The following AP2B1 variants were observed in gnomAD, a reference collection of about 807,000 sequenced individuals.
AP2B1 encodes AP-2 complex subunit beta.
Under a neutral mutation model 102.0 loss-of-function variants are expected in AP2B1, and 23 were observed. That is an observed-to-expected ratio of 0.23 (90% confidence interval 0.16 to 0.32). The LOEUF (loss-of-function observed/expected upper bound fraction) is 0.32, where lower values mean the gene tolerates loss of function less well. Ranked by LOEUF, AP2B1 falls within the 10% of genes least tolerant of loss-of-function variation. The pLI is 1.00. For missense variants in AP2B1, 541 were observed against 1,157.4 expected (o/e 0.47, Z 7.73); for synonymous variants, 381 against 421.2 (o/e 0.90, Z 1.17).
intron 12 of AP2B1, among the ~76,000 whole-genome samples, chr17:35,644,450 T>G (rs1335305530): frequency 6.6e-6 from 1 of 152,098 alleles, no homozygotes; most frequent in African/African-American, 2.4e-5. Flanking sequence ...TGATCTCGGC[T>G]CACTGCAACC....
intron 14 of AP2B1, among the ~76,000 whole-genome samples, chr17:35,662,098 A>C (rs1689793970): frequency 6.6e-6 from 1 of 152,184 alleles, no homozygotes; most frequent in African/African-American, 2.4e-5. Context: ...AAAGAGGAGT[A>C]GGGTGGGCCA....
intron 14 of AP2B1, among the ~76,000 whole-genome samples, chr17:35,668,442 C>G (rs1030613795): frequency 6.6e-6 from 1 of 152,036 alleles, no homozygotes; most frequent in Non-Finnish European, 1.5e-5. Context: ...TCTCTGGGGG[C>G]GAGTACTTTT....
At position 35,605,687 on chromosome 17, in the gene AP2B1, T is replaced by C; in HGVS notation, c.144-18T>C. ...ACACCTGCTTACTTTCCTTTTCTCT[T>C]TTACCCTCTCTTCTCAGTTCTCTCT... On this transcript the variant is annotated intron_variant, in intron 3 of 21. Coordinates refer to ENST00000610402, the MANE Select transcript of AP2B1 (RefSeq NM_001030006.2). The C allele has an allele frequency of 6.3e-7, 1 of 1,589,658 alleles. No homozygotes were observed. Among genetic ancestry groups the C allele is most frequent in the Non-Finnish European group, 8.6e-7 (1 of 1,163,362 alleles).
intron 2 of AP2B1, chr17:35,597,136 C>G (rs2073316594): frequency 2.0e-6 from 1 of 500,788 alleles, no homozygotes; most frequent in Non-Finnish European, 3.7e-6. Flanking sequence ...GAGACTGTCC[C>G]CACTGTTTCT....
At chr17:35,643,885 A>G (rs560870768) in intron 12 of AP2B1, among the ~76,000 whole-genome samples, 3 of 152,306 alleles carry the variant, frequency 2.0e-5, no homozygotes, top group South Asian at 4.1e-4. Flanking sequence ...TCTGTGTATC[A>G]GTGTAGCATG....
At chr17:35,670,141 G>T (rs1342406507) in intron 14 of AP2B1, among the ~76,000 whole-genome samples, 3 of 152,178 alleles carry the variant, frequency 2.0e-5, no homozygotes, top group Non-Finnish European at 4.4e-5. Flanking sequence ...ATTCTCTAAT[G>T]CGTAACATCC....
intron 21 of AP2B1, among the ~76,000 whole-genome samples, 180 bp downstream of exon 21, chr17:35,717,529 T>C (rs747702812): frequency 6.6e-5 from 10 of 152,226 alleles, no homozygotes; most frequent in African/African-American, 2.4e-4. Flanking sequence ...CTGCAGTGTC[T>C]GCCCCATCCA....
chr17:35,605,676 T>C, intron 3 of AP2B1, 29 bp from the exon 4 acceptor site: 1 of 1,555,042 alleles, frequency 6.4e-7, no homozygotes, highest in South Asian at 1.2e-5. Context: ...CTGCTTACTT[T>C]CCTTTTCTCT....
chr17:35,650,223 T>C (rs1342912088), intron 12 of AP2B1, among the ~76,000 whole-genome samples: 2 of 152,144 alleles, frequency 1.3e-5, no homozygotes, highest in Non-Finnish European at 2.9e-5. Flanking sequence ...GTGCTGGGAT[T>C]ACAGGCATGA....
At chr17:35,701,595 C>T (rs1001797266) in intron 18 of AP2B1, among the ~76,000 whole-genome samples, 2 of 152,078 alleles carry the variant, frequency 1.3e-5, no homozygotes, top group East Asian at 1.9e-4. Context: ...AAGTACTGTG[C>T]TTTTGGGACT....
chr17:35,723,764 A>G lies in AP2B1; in HGVS notation c.*65A>G. 1 of 1,208,608 alleles carries G rather than the reference A, an allele frequency of 8.3e-7. No homozygotes were observed. The highest frequency in any genetic ancestry group is 1.2e-6 in the Non-Finnish European group (1 of 813,292). 74.9% of individuals were successfully genotyped at this position (1,208,608 alleles called of 1,614,324 possible). A position where few individuals can be genotyped will look rare whatever the true frequency, so the allele number is the denominator to read the frequency against. On this transcript the variant is annotated 3_prime_UTR_variant, in exon 22 of 22. Transcript: ENST00000610402. The stretch of plus-strand genomic sequence containing the variant: ...TGCAAGTCAAGAACTCTTAACTGGA[A>G]GAAATTGTATTGCTGCGTAGAATCT...
chr17:35,674,893 A>G (rs1007763838), intron 17 of AP2B1, among the ~76,000 whole-genome samples: 1 of 152,238 alleles, frequency 6.6e-6, no homozygotes, highest in African/African-American at 2.4e-5. Context: ...AACGTTTTTG[A>G]TAAATTTTTA....
At chr17:35,632,764 A>T (rs1280350857) in intron 9 of AP2B1, among the ~76,000 whole-genome samples, 1 of 151,914 alleles carries the variant, frequency 6.6e-6, no homozygotes, top group Non-Finnish European at 1.5e-5. Flanking sequence ...ATCATGAGTA[A>T]CATCCTTTTA....
At position 35,628,930 on chromosome 17, in the gene AP2B1, C is replaced by CT. The variant is rs558348602; in HGVS notation, c.1155+1214dup. On this transcript the variant is annotated intron_variant, in intron 9 of 21. Transcript: ENST00000610402. ...GATTACATTTTCTTTCTTATAGCAT[C>CT]TTTTTTTTTTCTGGAGGTTTTTTGT... is the stretch of plus-strand genomic sequence containing the variant. Among the ~76,000 whole-genome samples the CT allele has an allele frequency of 8.8e-4, 131 of 148,770 alleles. 1 individual carries two copies. Among genetic ancestry groups the CT allele is most frequent in the South Asian group, 4.0e-3 (19 of 4,710 alleles).
At chr17:35,611,493 G>C (rs141785624) in intron 5 of AP2B1, among the ~76,000 whole-genome samples, 1 of 152,066 alleles carries the variant, frequency 6.6e-6, no homozygotes, top group Non-Finnish European at 1.5e-5. Context: ...GCGCGCGCAC[G>C]TGCGCACACA....
intron 9 of AP2B1, among the ~76,000 whole-genome samples, chr17:35,630,392 T>C (rs2074428940): frequency 6.6e-6 from 1 of 152,234 alleles, no homozygotes; most frequent in Admixed American, 6.5e-5. Flanking sequence ...AACTTGTTTT[T>C]CTTTTCTTTT....
intron 16 of AP2B1, among the ~76,000 whole-genome samples, chr17:35,672,317 A>G (rs1370831499): frequency 6.6e-6 from 1 of 152,138 alleles, no homozygotes; most frequent in Non-Finnish European, 1.5e-5. Context: ...TGTGGTTTTC[A>G]TGGATTTTAG....
chr17:35,646,579 A>G (rs2074938937), intron 12 of AP2B1, among the ~76,000 whole-genome samples: 2 of 148,718 alleles, frequency 1.3e-5, no homozygotes, highest in South Asian at 2.1e-4. Context: ...TTTTTCATAT[A>G]TATATAATTT....
chr17:35,708,302 G>A (rs2143007082), intron 18 of AP2B1, among the ~76,000 whole-genome samples: 1 of 152,296 alleles, frequency 6.6e-6, no homozygotes, highest in South Asian at 2.1e-4. Context: ...GTGGGAGGTG[G>A]TGACTTAGAG....
Sources: gnomAD v4.1 joint callset for allele counts (sites outside exome capture counted in the v4.1 genomes callset) on GRCh38, gnomAD v4.1.1 for gene constraint, MANE v1.5 for transcripts, NCBI Gene and HGNC (gene_info 2026-07-23, HGNC 2026-07-21) for gene names.